RIPOR1: variants seen among roughly 807,000 people sequenced by gnomAD.
RIPOR1 encodes RHO family interacting cell polarization regulator 1.
In RIPOR1, 58 loss-of-function variants were observed where a neutral mutation model predicts 116.5. That is an observed-to-expected ratio of 0.50 (90% CI 0.40 to 0.62). The LOEUF (loss-of-function observed/expected upper bound fraction) is 0.62, where lower values mean the gene tolerates loss of function less well. Ranked by LOEUF, RIPOR1 falls within the 20% of genes least tolerant of loss-of-function variation. RIPOR1 has a pLI of 0.00. For missense variants in RIPOR1, 1,372 were observed against 1,586.2 expected (o/e 0.86, Z 2.29); for synonymous variants, 605 against 650.0 (o/e 0.93, Z 1.05).
Position 67,538,671 on chromosome 16 carries a change from G to A in RIPOR1, c.105-1G>A. 6.2e-7 allele frequency: 1 copy of A among 1,612,740 alleles called. No individual in the cohort carries two copies. The highest frequency in any genetic ancestry group is 8.5e-7 in the Non-Finnish European group (1 of 1,179,676). On this transcript the variant is annotated splice_acceptor_variant, in intron 2 of 21. Transcript: ENST00000042381. LOFTEE classifies it high-confidence loss of function. ...CTTTCTGAGGACAGCCTCTCCTTCA[G>A]GAGTTTCCCGGTCTTCAGCCCGCCG...
chr16:67,536,910 G>C (rs1297048487), intron 1 of RIPOR1, among the ~76,000 whole-genome samples: 1 of 152,100 alleles, frequency 6.6e-6, no homozygotes, highest in Non-Finnish European at 1.5e-5. Context: ...TCAGCCCTCT[G>C]TGTGTTCAGC....
At chr16:67,521,655 C>A (rs2050495937) in intron 1 of RIPOR1, among the ~76,000 whole-genome samples, 4 of 152,150 alleles carry the variant, frequency 2.6e-5, no homozygotes, top group Admixed American at 2.6e-4. Context: ...AGCAGAGCAC[C>A]GCCCAGCTCA....
upstream of RIPOR1, among the ~76,000 whole-genome samples, chr16:67,524,658 A>G (rs1229963945): frequency 2.0e-5 from 3 of 151,886 alleles, no homozygotes; most frequent in Non-Finnish European, 4.4e-5. Context: ...CCATTATCCC[A>G]CTATCCACCC....
At position 67,537,494 on chromosome 16, in the gene RIPOR1, G is replaced by C; in HGVS notation, c.-23-930G>C. 3.2e-6 allele frequency: 4 copies of C among 1,265,890 alleles called. No individual in the cohort carries two copies. Among genetic ancestry groups the C allele is most frequent in the Non-Finnish European group, 4.0e-6 (4 of 1,004,240 alleles). 78.4% of individuals were successfully genotyped at this position (1,265,890 alleles called of 1,614,324 possible). ...AGCCAGAGCCGCTGGGAGCGAGCCC[G>C]GAGCCCAGCCGGGCGGCTCGAAGTG... On this transcript the variant is annotated intron_variant, in intron 1 of 21. Coordinates refer to ENST00000042381, the MANE Select transcript of RIPOR1 (RefSeq NM_024519.4). The surrounding 1 kb of genome is among the most constrained non-coding windows in gnomAD (Gnocchi z 4.6).
chr16:67,543,558 A>C lies in RIPOR1; in HGVS notation c.2600+89A>C, dbSNP rs935520828. 6.6e-7 allele frequency: 1 copy of C among 1,520,514 alleles called. No homozygotes were observed. The highest frequency in any genetic ancestry group is 8.8e-7 in the Non-Finnish European group (1 of 1,134,542). The allele number at this position is 1,520,514 out of a possible 1,614,324, so 94.2% of individuals were successfully genotyped here. ...GGGAAGGTGGAACAGGTGAATTGGG[A>C]GAAAGTCAAAGGACAGGACAGGTGA... On this transcript the variant is annotated intron_variant, in intron 14 of 21. Transcript: ENST00000042381. This position sits in a 1 kb window ranked among gnomAD's most constrained non-coding sequence, Gnocchi z 4.7.
In RIPOR1 at chr16:67,539,092, C is replaced by T. The variant is rs1274811619; in HGVS notation, c.336+24C>T. 3 of 1,600,746 alleles carry T rather than the reference C, an allele frequency of 1.9e-6. No individual in the cohort carries two copies. The East Asian group carries it at 6.7e-5, about 36-fold the overall frequency. On this transcript the variant is annotated intron_variant, in intron 4 of 21. Transcript: ENST00000042381. ...TGGTGAGTGGCGGGAGGTACGGATG[C>T]CCTTTGCCTCTTTGGTGTGGAGGGC...
In RIPOR1 at chr16:67,546,136, G is replaced by A. The variant is rs760280600; in HGVS notation, c.3472-5G>A. 16 of 1,612,056 alleles carry A rather than the reference G, an allele frequency of 9.9e-6. No homozygotes were observed. The South Asian group carries it at 1.8e-4, about 18-fold the overall frequency. ...AGCCCACCTCAATGCTCCCTCCCCTGACAGGCTCCCGAGGGCATTGAGCCC... is the reference window on the plus strand; with the variant it reads ...AGCCCACCTCAATGCTCCCTCCCCTAACAGGCTCCCGAGGGCATTGAGCCC... On this transcript the variant is annotated splice_region_variant and splice_polypyrimidine_tract_variant and intron_variant, in intron 20 of 21. Coordinates refer to ENST00000042381, the MANE Select transcript of RIPOR1 (RefSeq NM_024519.4).
intron 1 of RIPOR1, among the ~76,000 whole-genome samples, chr16:67,534,142 T>G (rs2050734905): frequency 6.7e-6 from 1 of 150,028 alleles, no homozygotes; most frequent in East Asian, 2.0e-4. Context: ...TTTTGTAATT[T>G]TTTTTTTTTA....
chr16:67,540,573 C>T lies in RIPOR1; in HGVS notation c.676-6C>T, dbSNP rs778901617. On this transcript the variant is annotated splice_polypyrimidine_tract_variant and splice_region_variant and intron_variant, in intron 9 of 21. Coordinates refer to ENST00000042381, the MANE Select transcript of RIPOR1 (RefSeq NM_024519.4). The surrounding 1 kb of genome is among the most constrained non-coding windows in gnomAD (Gnocchi z 4.7). ...CTAGGCTGCCTCATCCTACCTGTTCCCCCAGATCTGCATGAAATATGGGCG... is the reference window on the plus strand; with the variant it reads ...CTAGGCTGCCTCATCCTACCTGTTCTCCCAGATCTGCATGAAATATGGGCG... 20 of 1,614,014 alleles carry T rather than the reference C, an allele frequency of 1.2e-5. No individual in the cohort carries two copies. Among genetic ancestry groups the T allele is most frequent in the Non-Finnish European group, 1.7e-5 (20 of 1,179,924 alleles).
At chr16:67,539,924 G>A in intron 6 of RIPOR1, 25 bp downstream of exon 6, 1 of 1,614,162 alleles carries the variant, frequency 6.2e-7, no homozygotes, top group South Asian at 1.1e-5. Flanking sequence ...TGTGTGCAGA[G>A]TGGGGTGGGG....
chr16:67,538,178 A>T, intron 1 of RIPOR1: 1 of 389,866 alleles, frequency 2.6e-6, no homozygotes. Flanking sequence ...GCCCCGCGGC[A>T]GGCGGAGCCC....
chr16:67,537,025 C>T lies in RIPOR1; in HGVS notation c.-23-1399C>T, dbSNP rs777701870. 9.8e-5 allele frequency among the ~76,000 whole-genome samples: 15 copies of T among 152,310 alleles called. 1 individual carries two copies. The South Asian group carries it at 1.2e-3, about 13-fold the overall frequency. ...CACCTCCCGGGTTCAAGCGATTCTC[C>T]TGTCTCAGCCTCCTGAGTAGCTGGG... On this transcript the variant is annotated intron_variant, in intron 1 of 21. Coordinates refer to ENST00000042381, the MANE Select transcript of RIPOR1 (RefSeq NM_024519.4). This position sits in a 1 kb window ranked among gnomAD's most constrained non-coding sequence, Gnocchi z 4.6.
intron 1 of RIPOR1, among the ~76,000 whole-genome samples, chr16:67,520,997 A>G (rs774875235): frequency 2.0e-5 from 3 of 152,030 alleles, no homozygotes; most frequent in Non-Finnish European, 2.9e-5. Context: ...GAGGACTGAG[A>G]AGTGGAGGGA....
chr16:67,544,843 G>A lies in RIPOR1; in HGVS notation c.2869+13G>A. On this transcript the variant is annotated intron_variant, in intron 16 of 21. Transcript: ENST00000042381. This position sits in a 1 kb window ranked among gnomAD's most constrained non-coding sequence, Gnocchi z 5.1. ...TCTGCCCAGGAAGGTAAAGGCCCTG[G>A]GGGTTCGGGCTCTGCCATCTGCCTT... is the stretch of plus-strand genomic sequence containing the variant. 1 of 1,590,364 alleles carries A rather than the reference G, an allele frequency of 6.3e-7. No homozygotes were observed. Among genetic ancestry groups the A allele is most frequent in the Non-Finnish European group, 8.6e-7 (1 of 1,164,194 alleles).
chr16:67,540,730 G>A lies in RIPOR1; in HGVS notation c.801+26G>A, dbSNP rs2050955807. On this transcript the variant is annotated intron_variant, in intron 10 of 21. Coordinates refer to ENST00000042381, the MANE Select transcript of RIPOR1 (RefSeq NM_024519.4). The surrounding 1 kb of genome is among the most constrained non-coding windows in gnomAD (Gnocchi z 4.7). ...GTGATGTCTCTGCCCAGGACGGCAG[G>A]CCACCATGGCCCTGTGAACCCCTTG... 2 of 1,557,010 alleles carry A rather than the reference G, an allele frequency of 1.3e-6. No homozygotes were observed. Among genetic ancestry groups the A allele is most frequent in the Admixed American group, 3.8e-5 (2 of 52,782 alleles).
rs745868491 is a variant in RIPOR1, at chr16:67,545,484, C to G, written c.3140C>G (p.Thr1047Ser). The G allele has an allele frequency of 1.9e-6, 3 of 1,614,040 alleles. No individual in the cohort carries two copies. In the Admixed American group the frequency reaches 5.0e-5, roughly 27 times the overall value. Residue 1047 changes from threonine (T) to serine (S), a missense_variant, in exon 18 of 22, where the codon ACC (threonine) becomes AGC (serine). Coordinates refer to ENST00000042381, the MANE Select transcript of RIPOR1 (RefSeq NM_024519.4). The surrounding 1 kb of genome is among the most constrained non-coding windows in gnomAD (Gnocchi z 4.8). Reference sequence around the variant, plus strand: ...TTCCAGTTCTGGAGTTTTGTGGAAACCTTGGACAGCCCCACCATGGAGGCC... The same window carrying G: ...TTCCAGTTCTGGAGTTTTGTGGAAAGCTTGGACAGCCCCACCATGGAGGCC... ...TVFQFWSFVE[T>S]LDSPTMEAYV...
intron 1 of RIPOR1, among the ~76,000 whole-genome samples, chr16:67,534,120 G>A (rs1159028332): frequency 6.8e-6 from 1 of 147,764 alleles, no homozygotes; most frequent in African/African-American, 2.5e-5. Flanking sequence ...GCACTGGGCT[G>A]AGTCATTTCT....
rs1270359998 is a variant in RIPOR1, at chr16:67,542,707, A to G, written c.1921A>G (p.Thr641Ala). 4 of 1,612,958 alleles carry G rather than the reference A, an allele frequency of 2.5e-6. No homozygotes were observed. In the African/African-American group the frequency reaches 5.4e-5, roughly 22 times the overall value. Reference protein sequence around the residue: ...HKTSMSPPTTTSPTPSGMGLV... With the variant: ...HKTSMSPPTTASPTPSGMGLV... ...AACCAGTATGTCACCTCCCACCACT[A>G]CAAGTCCTACCCCCAGTGGTATGGG... The change falls in exon 13 of 22, where the codon ACA becomes GCA. Residue 641 changes from threonine to alanine, a missense_variant. By Grantham distance (58) the Thr-to-Ala change is moderately conservative. Coordinates refer to ENST00000042381, the MANE Select transcript of RIPOR1 (RefSeq NM_024519.4). This position sits in a 1 kb window ranked among gnomAD's most constrained non-coding sequence, Gnocchi z 4.6.
Position 67,529,199 on chromosome 16 carries a change from G to A in RIPOR1, c.-24+285G>A, listed in dbSNP as rs2050589013. ...TGGCGGCCGGTGCCCCGGGGCGCTG[G>A]GATGGGCCAGGCCAGAGAGCGGGCT... On this transcript the variant is annotated intron_variant, in intron 1 of 21. Transcript: ENST00000042381. The surrounding 1 kb of genome is among the most constrained non-coding windows in gnomAD (Gnocchi z 4.1). The A allele has an allele frequency of 6.6e-6, 1 of 152,498 alleles. No individual in the cohort carries two copies. Among genetic ancestry groups the A allele is most frequent in the South Asian group, 2.0e-4 (1 of 4,924 alleles). The allele number at this position is 152,498 out of a possible 1,614,324, so 9.4% of individuals were successfully genotyped here.
Sources: allele counts gnomAD v4.1 joint callset (sites outside exome capture counted in the v4.1 genomes callset), GRCh38; gene constraint gnomAD v4.1.1; non-coding constraint Gnocchi (gnomAD v3.1); transcripts MANE v1.5; gene names NCBI Gene and HGNC (gene_info 2026-07-23, HGNC 2026-07-21).